Variants in ARHGEF12 observed in about 807,000 individuals in gnomAD.
ARHGEF12 encodes KMT2A/ARHGEF12 fusion protein.
ARHGEF12 carries 66 observed loss-of-function variants against 211.2 expected under a neutral mutation model. The observed-to-expected ratio is 0.31, with a 90% confidence interval of 0.26 to 0.38. The LOEUF (loss-of-function observed/expected upper bound fraction) is 0.38, where lower values mean the gene tolerates loss of function less well. ARHGEF12 is among the 10% of genes least tolerant of loss of function. The pLI is 1.00. For missense variants in ARHGEF12, 1,429 were observed against 1,869.5 expected (o/e 0.76, Z 4.34); for synonymous variants, 592 against 638.4 (o/e 0.93, Z 1.09).
At chr11:120,358,761 T>C (rs1943200036) in intron 1 of ARHGEF12, among the ~76,000 whole-genome samples, 1 of 152,208 alleles carries the variant, frequency 6.6e-6, no homozygotes, top group African/African-American at 2.4e-5. Context: ...TGCAAAAAGC[T>C]CTTTTGGACA....
chr11:120,416,983 T>G (rs980621918), intron 4 of ARHGEF12, among the ~76,000 whole-genome samples: 3 of 152,200 alleles, frequency 2.0e-5, no homozygotes, highest in African/African-American at 7.2e-5. Context: ...AACATAAAAG[T>G]ACTTACAATT....
At chr11:120,343,341 A>C (rs1013239849) in intron 1 of ARHGEF12, among the ~76,000 whole-genome samples, 5 of 152,192 alleles carry the variant, frequency 3.3e-5, no homozygotes, top group African/African-American at 1.2e-4. Context: ...AAACATGCCA[A>C]ATTTAGAGCA....
At chr11:120,367,643 C>T (rs1292519178) in intron 1 of ARHGEF12, among the ~76,000 whole-genome samples, 4 of 151,976 alleles carry the variant, frequency 2.6e-5, no homozygotes, top group South Asian at 4.2e-4. Context: ...GGATTACAGG[C>T]GTGAGCCACC....
At chr11:120,435,412 A>G (rs1210517165) in intron 11 of ARHGEF12, among the ~76,000 whole-genome samples, 1 of 151,874 alleles carries the variant, frequency 6.6e-6, no homozygotes, top group Non-Finnish European at 1.5e-5. Flanking sequence ...ATCTCATTAT[A>G]TCACATGAGG....
intron 4 of ARHGEF12, among the ~76,000 whole-genome samples, chr11:120,413,011 G>A (rs1252310563): frequency 6.6e-6 from 1 of 152,054 alleles, no homozygotes; most frequent in Non-Finnish European, 1.5e-5. Flanking sequence ...GTTTCACATT[G>A]ATTCATTAAC....
Position 120,429,448 on chromosome 11 carries a change from C to G in ARHGEF12, c.594C>G (p.Asn198Lys). The G allele has an allele frequency of 6.2e-7, 1 of 1,612,318 alleles. No homozygotes were observed. Among genetic ancestry groups the G allele is most frequent in the Admixed American group, 1.7e-5 (1 of 59,868 alleles). ...ATCTTTTTCTTTTCTAGGAGGAAAA[C>G]AATGTGGTTCATAACCAGAAAGTAG... The part of the protein sequence containing the change: ...ITSPVLMGEE[N>K]NVVHNQKVEI... The change falls in exon 9 of 41, where the codon AAC (asparagine) becomes AAG (lysine). Residue 198 changes from asparagine (N) to lysine (K), a missense_variant. Physicochemically the swap from Asn to Lys is moderately conservative, Grantham distance 94. Transcript: ENST00000397843.
At position 120,406,136 on chromosome 11, in the gene ARHGEF12, T is replaced by G. The variant is rs1944696722; in HGVS notation, c.51T>G (p.Pro17=). The G allele has an allele frequency of 6.5e-7, 1 of 1,536,962 alleles. No individual in the cohort carries two copies. Residue 17 remains proline (P), a synonymous_variant, in exon 2 of 41, where the codon CCT becomes CCG. Coordinates refer to ENST00000397843, the MANE Select transcript of ARHGEF12 (RefSeq NM_015313.3). ...GTTTCAGGTTTCCCCTCAAAAAACC[T>G]ATAAGGTAAGTTTGCTCAATTACAC... is the stretch of plus-strand genomic sequence containing the variant. The part of the protein sequence containing the change: ...TITDRFPLKK[P]IRHGSILNRE...
intron 1 of ARHGEF12, among the ~76,000 whole-genome samples, chr11:120,352,429 G>A (rs948624281): frequency 3.3e-5 from 5 of 152,136 alleles, no homozygotes; most frequent in Non-Finnish European, 7.3e-5. Flanking sequence ...AAGTAAGTTG[G>A]GTTGCAGTTT....
At chr11:120,465,587 C>T (rs1199647934) in intron 28 of ARHGEF12, among the ~76,000 whole-genome samples, 1 of 152,114 alleles carries the variant, frequency 6.6e-6, no homozygotes, top group Admixed American at 6.5e-5. Context: ...CTGCCTCAGC[C>T]TTCCTAGTAG....
chr11:120,446,295 C>A (rs983558670), intron 16 of ARHGEF12, 108 bp from the exon 17 acceptor site: 2 of 598,204 alleles, frequency 3.3e-6, no homozygotes, highest in Non-Finnish European at 5.2e-6. Context: ...GAAGAACTTC[C>A]CTCTGGCATA....
chr11:120,416,334 C>CA (rs1434963798), intron 4 of ARHGEF12, among the ~76,000 whole-genome samples: 1 of 152,134 alleles, frequency 6.6e-6, no homozygotes, highest in Non-Finnish European at 1.5e-5. Context: ...GATGAAGATA[C>CA]AGCCCCTGCA....
intron 1 of ARHGEF12, among the ~76,000 whole-genome samples, chr11:120,347,171 C>CTTTCTTT (rs1565417119): frequency 2.3e-4 from 13 of 56,946 alleles, no homozygotes; most frequent in Non-Finnish European, 4.7e-4. Flanking sequence ...TTCCTTCCTT[C>CTTTCTTT]CTTCCTTCCT....
At chr11:120,347,406 A>T (rs190098864) in intron 1 of ARHGEF12, among the ~76,000 whole-genome samples, 2 of 151,870 alleles carry the variant, frequency 1.3e-5, no homozygotes, top group East Asian at 3.9e-4. Flanking sequence ...GAATGATGCC[A>T]GTTGAAAGGA....
At chr11:120,363,626 T>C (rs1943339777) in intron 1 of ARHGEF12, among the ~76,000 whole-genome samples, 1 of 152,226 alleles carries the variant, frequency 6.6e-6, no homozygotes, top group South Asian at 2.1e-4. Context: ...AGATAGTATT[T>C]TAAGTATGGA....
At chr11:120,387,456 T>C (rs1944072541) in intron 1 of ARHGEF12, among the ~76,000 whole-genome samples, 2 of 152,126 alleles carry the variant, frequency 1.3e-5, no homozygotes, top group African/African-American at 2.4e-5. Flanking sequence ...GTATAGTACA[T>C]TGGCAAAATA....
chr11:120,410,391 A>G (rs763105531), intron 4 of ARHGEF12: 2 of 151,888 alleles, frequency 1.3e-5, no homozygotes, highest in Non-Finnish European at 1.5e-5. Flanking sequence ...AGACTGATAA[A>G]TTATTTCTTT....
chr11:120,441,875 G>T (rs1945877689), intron 14 of ARHGEF12, 58 bp downstream of exon 14: 1 of 1,487,460 alleles, frequency 6.7e-7, no homozygotes, highest in African/African-American at 1.4e-5. Context: ...ATGTGCCATA[G>T]AACTTTTCCT....
chr11:120,463,216 C>T (rs1946588117), intron 27 of ARHGEF12: 1 of 152,154 alleles, frequency 6.6e-6, no homozygotes, highest in African/African-American at 2.4e-5. Context: ...AACATCTATA[C>T]TTAAACTGCT....
chr11:120,431,790 C>T lies in ARHGEF12; in HGVS notation c.803C>T (p.Pro268Leu), dbSNP rs570934235. 8 of 1,606,242 alleles carry T rather than the reference C, an allele frequency of 5.0e-6. No homozygotes were observed. Among genetic ancestry groups the T allele is most frequent in the South Asian group, 4.5e-5 (4 of 89,444 alleles). ...TTTTAGGATGGAGCTGTAGTTACAC[C>T]CTCCAGACCTTTAGGGGACACCCTA... ...GSAQDGAVVT[P>L]SRPLGDTLTV... The change falls in exon 11 of 41, where the codon CCC becomes CTC. Residue 268 changes from proline (P) to leucine (L), a missense_variant. This residue lies in a region of ARHGEF12 where 254 missense variants were observed against 286.4 expected (regional missense o/e 0.89). Transcript: ENST00000397843.
Sources: gnomAD v4.1 joint callset for allele counts (sites outside exome capture counted in the v4.1 genomes callset) on GRCh38, gnomAD v4.1.1 for gene constraint, gnomAD v4.1.1 regional missense constraint, MANE v1.5 for transcripts, NCBI Gene and HGNC (gene_info 2026-07-23, HGNC 2026-07-21) for gene names.